The following RCAN1 variants were observed in gnomAD, a reference collection of about 807,000 sequenced individuals.
RCAN1 encodes the protein regulator of calcineurin 1.
RCAN1 carries 11 observed loss-of-function variants against 22.9 expected under a neutral mutation model. That is an observed-to-expected ratio of 0.48 (90% CI 0.30 to 0.79). The LOEUF is 0.79. RCAN1 is among the 30% of genes least tolerant of loss of function. The pLI is 0.06. For missense variants in RCAN1, 291 were observed against 337.8 expected (o/e 0.86, Z 1.09); for synonymous variants, 136 against 142.3 (o/e 0.96, Z 0.32).
At chr21:34,546,021 T>C (rs1194982856) in intron 1 of RCAN1, among the ~76,000 whole-genome samples, 2 of 152,236 alleles carry the variant, frequency 1.3e-5, no homozygotes, top group African/African-American at 2.4e-5. Context: ...ACTGGATCTC[T>C]GTGGGTTGAA....
intron 1 of RCAN1, among the ~76,000 whole-genome samples, chr21:34,556,987 C>T (rs921929494): frequency 1.2e-4 from 19 of 152,064 alleles, no homozygotes; most frequent in South Asian, 6.2e-4. Flanking sequence ...CCGAGGCAGG[C>T]GGATCACCTG....
chr21:34,611,963 T>G (rs1321335315), intron 1 of RCAN1, among the ~76,000 whole-genome samples: 1 of 152,150 alleles, frequency 6.6e-6, no homozygotes, highest in Admixed American at 6.5e-5. Flanking sequence ...TTTCACTGAT[T>G]GCTGTATATC....
rs1389536212 is a variant in RCAN1, at chr21:34,614,798, G to T, written c.214C>A (p.His72Asn). Residue 72 changes from histidine (H) to asparagine (N), a missense_variant, in exon 1 of 4, where the codon CAC becomes AAC. By Grantham distance (68) the His-to-Asn change is moderately conservative (BLOSUM62 1). Transcript: ENST00000313806. This position sits in a 1 kb window ranked among gnomAD's most constrained non-coding sequence, Gnocchi z 6.0. ...QDLPSATIAC[H>N]LDPRVFVDGL... ...TCCACGAACACGCGCGGGTCCAGGT[G>T]ACAGGCGATGGTGGCGCTGGGCAGG... The T allele has an allele frequency of 2.0e-6, 3 of 1,481,800 alleles. No homozygotes were observed. Among genetic ancestry groups the T allele is most frequent in the Non-Finnish European group, 2.7e-6 (3 of 1,113,848 alleles). 91.8% of individuals were successfully genotyped at this position (1,481,800 alleles called of 1,614,324 possible).
chr21:34,574,771 G>A (rs747848482), intron 1 of RCAN1, among the ~76,000 whole-genome samples: 2 of 152,180 alleles, frequency 1.3e-5, no homozygotes, highest in African/African-American at 4.8e-5. Context: ...CTGCTTCCGC[G>A]GCTGAGCACG....
At chr21:34,582,799 C>T (rs377635869) in intron 1 of RCAN1, among the ~76,000 whole-genome samples, 15 of 152,178 alleles carry the variant, frequency 9.9e-5, no homozygotes, top group South Asian at 6.2e-4. Context: ...GGGAGGCTTC[C>T]GCGATAACAC....
At chr21:34,525,493 G>A in intron 1 of RCAN1, 7 of 1,078,384 alleles carry the variant, frequency 6.5e-6, no homozygotes, top group Non-Finnish European at 8.8e-6. Flanking sequence ...TCGTACATTT[G>A]GAATTTTGTA....
At position 34,614,842 on chromosome 21, in the gene RCAN1, T is replaced by A. The variant is rs1601232579; in HGVS notation, c.170A>T (p.Glu57Val). 1 of 1,484,694 alleles carries A rather than the reference T, an allele frequency of 6.7e-7. No individual in the cohort carries two copies. The highest frequency in any genetic ancestry group is 9.0e-7 in the Non-Finnish European group (1 of 1,115,524). The allele number at this position is 1,484,694 out of a possible 1,614,324, so 92.0% of individuals were successfully genotyped here. Residue 57 changes from glutamate to valine, a missense_variant, in exon 1 of 4, where the codon GAG becomes GTG. Physicochemically the swap from Glu to Val is moderately radical, Grantham distance 121. Coordinates refer to ENST00000313806, the MANE Select transcript of RCAN1 (RefSeq NM_004414.7). This position sits in a 1 kb window ranked among gnomAD's most constrained non-coding sequence, Gnocchi z 6.0. ...GDWSFIDCEM[E>V]EVDLQDLPSA... ...GGGCAGGTCCTGCAGGTCCACCTCC[T>A]CCATCTCGCAGTCAATGAAGCTCCA...
intron 1 of RCAN1, among the ~76,000 whole-genome samples, chr21:34,575,561 C>A (rs1456275792): frequency 6.6e-6 from 1 of 152,196 alleles, no homozygotes; most frequent in African/African-American, 2.4e-5. Flanking sequence ...CTCACTCTGT[C>A]ACCCAGGTTG....
At position 34,561,773 on chromosome 21, in the gene RCAN1, T is replaced by G. The variant is rs77379561; in HGVS notation, c.253-38063A>C. Among the ~76,000 whole-genome samples the G allele has an allele frequency of 7.2e-3, 1,093 of 152,282 alleles. 11 individuals carry two copies. Among genetic ancestry groups the G allele is most frequent in the African/African-American group, 0.024 (1,014 of 41,564 alleles). ...TGATACTGAATTCTAACTCAAGACC[T>G]GAATTTTAACTCAAGAATATTCCGT... On this transcript the variant is annotated intron_variant, in intron 1 of 3. Coordinates refer to ENST00000313806, the MANE Select transcript of RCAN1 (RefSeq NM_004414.7).
chr21:34,549,124 C>T (rs909915451), intron 1 of RCAN1, among the ~76,000 whole-genome samples: 1 of 152,050 alleles, frequency 6.6e-6, no homozygotes, highest in Admixed American at 6.5e-5. Context: ...CTCCATCCCA[C>T]GTGATGAAAG....
intron 1 of RCAN1, chr21:34,613,647 T>C (rs2049101045): frequency 9.5e-7 from 1 of 1,051,958 alleles, no homozygotes; most frequent in South Asian, 3.1e-5. Context: ...GGTTTTAGAG[T>C]AAGATCAATC....
chr21:34,531,832 C>T (rs987365703), intron 1 of RCAN1, among the ~76,000 whole-genome samples: 2 of 152,164 alleles, frequency 1.3e-5, no homozygotes, highest in African/African-American at 4.8e-5. Flanking sequence ...TTCCTCCTTT[C>T]TCCCCTTTCC....
chr21:34,576,536 G>A (rs1261786887), intron 1 of RCAN1, among the ~76,000 whole-genome samples: 1 of 152,142 alleles, frequency 6.6e-6, no homozygotes, highest in Non-Finnish European at 1.5e-5. Context: ...TGATTGTCTT[G>A]TGTGCACACA....
At chr21:34,557,815 C>G (rs555832150) in intron 1 of RCAN1, among the ~76,000 whole-genome samples, 1 of 152,308 alleles carries the variant, frequency 6.6e-6, no homozygotes, top group African/African-American at 2.4e-5. Flanking sequence ...CCGAAATTGA[C>G]TGCCAGTCAC....
chr21:34,570,169 C>T (rs1279986499), intron 1 of RCAN1, among the ~76,000 whole-genome samples: 1 of 152,098 alleles, frequency 6.6e-6, no homozygotes. Flanking sequence ...TTTTTAAAAA[C>T]CATCCAGTCT....
intron 1 of RCAN1, among the ~76,000 whole-genome samples, chr21:34,580,444 G>T (rs79912469): frequency 8.3e-4 from 126 of 152,338 alleles, no homozygotes; most frequent in East Asian, 7.5e-3. Context: ...AGGGTTGAAT[G>T]AGTGAGGAAT....
intron 2 of RCAN1, chr21:34,522,140 C>T (rs1199327661): frequency 6.6e-6 from 1 of 152,396 alleles, no homozygotes; most frequent in African/African-American, 2.4e-5. Context: ...GTTCCCCACC[C>T]AGCAGCAGCT....
chr21:34,518,220 G>T lies in RCAN1; in HGVS notation c.623C>A (p.Thr208Asn). The T allele has an allele frequency of 6.2e-7, 1 of 1,614,174 alleles. No homozygotes were observed. Among genetic ancestry groups the T allele is most frequent in the Non-Finnish European group, 8.5e-7 (1 of 1,180,038 alleles). The part of the protein sequence containing the change: ...KYELHAATDT[T>N]PSVVVHVCES... ...ACATACATGGACCACCACGCTGGGA[G>T]TGGTGTCAGTCGCTGCGTGCAATTC... The change falls in exon 4 of 4, where the codon ACT becomes AAT. Residue 208 changes from threonine (T) to asparagine (N), a missense_variant. By Grantham distance (65) the Thr-to-Asn change is moderately conservative. Coordinates refer to ENST00000313806, the MANE Select transcript of RCAN1 (RefSeq NM_004414.7). The surrounding 1 kb of genome is among the most constrained non-coding windows in gnomAD (Gnocchi z 4.2).
chr21:34,554,309 T>G (rs1305793802), intron 1 of RCAN1, among the ~76,000 whole-genome samples: 1 of 152,252 alleles, frequency 6.6e-6, no homozygotes, highest in African/African-American at 2.4e-5. Context: ...CACTCAGTAT[T>G]TCTAACTACC....
Sources: allele counts gnomAD v4.1 joint callset (sites outside exome capture counted in the v4.1 genomes callset), GRCh38; gene constraint gnomAD v4.1.1; non-coding constraint Gnocchi (gnomAD v3.1); transcripts MANE v1.5; gene names NCBI Gene and HGNC (gene_info 2026-07-23, HGNC 2026-07-21).